KIAA1217: variants seen among roughly 807,000 people sequenced by gnomAD.
KIAA1217 encodes KIAA1217.
Under a neutral mutation model 163.9 loss-of-function variants are expected in KIAA1217, and 88 were observed. The observed-to-expected ratio is 0.54, with a 90% confidence interval of 0.45 to 0.64. KIAA1217 has a LOEUF of 0.64. Ranked by LOEUF, KIAA1217 falls within the 30% of genes least tolerant of loss-of-function variation. KIAA1217 has a pLI of 0.00. For synonymous variants in KIAA1217, 903 were observed against 923.1 expected, an observed-to-expected ratio of 0.98 and a Z score of 0.39; for missense variants, 2,372 against 2,475.0, an observed-to-expected ratio of 0.96 and a Z score of 0.88.
intron 2 of KIAA1217, among the ~76,000 whole-genome samples, chr10:24,200,188 C>A (rs1278716323): frequency 6.6e-6 from 1 of 151,244 alleles, no homozygotes; most frequent in African/African-American, 2.4e-5. Flanking sequence ...CTTTTGGTTG[C>A]TGTCACTTTT....
Position 24,531,928 on chromosome 10 carries a change from G to A in KIAA1217, c.3181G>A (p.Gly1061Arg), listed in dbSNP as rs1564877872. The A allele has an allele frequency of 2.5e-6, 4 of 1,609,948 alleles. No individual in the cohort carries two copies. The East Asian group carries it at 8.9e-5, about 36-fold the overall frequency. ...PPRRSYLPGS[G>R]LTTTRSGDVV... ...TCGTCGAAGCTACCTGCCAGGATCG[G>A]GACTCACCACCACGAGGTCAGGCGA... Residue 1061 changes from glycine to arginine, a missense_variant, in exon 15 of 21, where the codon GGA becomes AGA. Transcript: ENST00000376454.
intron 2 of KIAA1217, among the ~76,000 whole-genome samples, chr10:24,238,605 A>C (rs547735513): frequency 1.9e-4 from 29 of 152,128 alleles, no homozygotes; most frequent in Non-Finnish European, 4.0e-4. Flanking sequence ...AGCCGAGGGG[A>C]AATGCACACA....
intron 5 of KIAA1217, among the ~76,000 whole-genome samples, chr10:24,469,705 G>A (rs907233842): frequency 7.2e-5 from 11 of 151,988 alleles, no homozygotes; most frequent in South Asian, 2.1e-4. Flanking sequence ...TCCACCTCCC[G>A]GGTTCAAGCA....
At chr10:24,423,517 T>A (rs2058929207) in intron 3 of KIAA1217, among the ~76,000 whole-genome samples, 1 of 152,182 alleles carries the variant, frequency 6.6e-6, no homozygotes, top group Non-Finnish European at 1.5e-5. Context: ...TGAAGTGCAG[T>A]GGCACCATCT....
chr10:24,341,653 T>A (rs868377878), intron 2 of KIAA1217, among the ~76,000 whole-genome samples: 12 of 152,230 alleles, frequency 7.9e-5, no homozygotes, highest in African/African-American at 2.7e-4. Context: ...TTTAATGAAC[T>A]GAGGTTGTAA....
chr10:24,256,104 C>CCTCAGTA (rs1422221951), intron 2 of KIAA1217, among the ~76,000 whole-genome samples: 1 of 151,090 alleles, frequency 6.6e-6, no homozygotes, highest in African/African-American at 2.4e-5. Flanking sequence ...TCTGGTTCTG[C>CCTCAGTA]CTCAGTACTT....
chr10:24,367,089 AT>A (rs370887613), intron 2 of KIAA1217: 62 of 936,792 alleles, frequency 6.6e-5, no homozygotes, highest in Non-Finnish European at 7.6e-5. Flanking sequence ...TTTCTTTCCT[AT>A]TTTTTTCTTG....
intron 1 of KIAA1217, among the ~76,000 whole-genome samples, chr10:23,877,122 T>C (rs1169112156): frequency 6.6e-6 from 1 of 151,998 alleles, no homozygotes; most frequent in East Asian, 1.9e-4. Flanking sequence ...TGTCACTAGA[T>C]GCGTTTTCTT....
At chr10:24,441,508 T>G (rs963331854) in intron 5 of KIAA1217, among the ~76,000 whole-genome samples, 1 of 152,152 alleles carries the variant, frequency 6.6e-6, no homozygotes, top group African/African-American at 2.4e-5. Context: ...TCAGGAAGCG[T>G]GCTAGACTAG....
chr10:23,861,728 C>T (rs1478882189), intron 1 of KIAA1217, among the ~76,000 whole-genome samples: 1 of 152,110 alleles, frequency 6.6e-6, no homozygotes, highest in Non-Finnish European at 1.5e-5. Flanking sequence ...TCCCAACTGG[C>T]CATCAGCAAG....
chr10:23,714,077 A>G (rs1003908060), intron 1 of KIAA1217, among the ~76,000 whole-genome samples: 3 of 152,106 alleles, frequency 2.0e-5, no homozygotes, highest in Non-Finnish European at 4.4e-5. Context: ...GATGCCAGCT[A>G]GTCGTCCAAG....
intron 2 of KIAA1217, among the ~76,000 whole-genome samples, chr10:24,365,174 G>A (rs1487118094): frequency 5.3e-5 from 8 of 152,060 alleles, no homozygotes; most frequent in African/African-American, 1.4e-4. Flanking sequence ...CCTTGCCCCC[G>A]TTTCTCCATA....
At chr10:23,807,851 C>G (rs926413935) in intron 1 of KIAA1217, among the ~76,000 whole-genome samples, 5 of 152,182 alleles carry the variant, frequency 3.3e-5, no homozygotes, top group Non-Finnish European at 5.9e-5. Flanking sequence ...AAGATGTAGG[C>G]TCTAACTGCT....
At chr10:24,415,379 T>C (rs2058157522) in intron 3 of KIAA1217, among the ~76,000 whole-genome samples, 1 of 151,964 alleles carries the variant, frequency 6.6e-6, no homozygotes, top group Admixed American at 6.6e-5. Flanking sequence ...TCTCCCAAAG[T>C]GCTGGGATTA....
intron 2 of KIAA1217, among the ~76,000 whole-genome samples, chr10:24,342,046 C>A (rs542461278): frequency 2.8e-4 from 42 of 152,312 alleles, no homozygotes; most frequent in African/African-American, 8.9e-4. Flanking sequence ...TGCCTGAAGG[C>A]ATAGCACTGT....
At chr10:24,359,235 G>T (rs757559873) in intron 2 of KIAA1217, among the ~76,000 whole-genome samples, 5 of 151,702 alleles carry the variant, frequency 3.3e-5, no homozygotes. Context: ...GACTACAGGC[G>T]TGTGCCACAA....
chr10:24,340,557 C>T (rs193174520), intron 2 of KIAA1217, among the ~76,000 whole-genome samples: 43 of 152,256 alleles, frequency 2.8e-4, no homozygotes, highest in African/African-American at 1.0e-3. Context: ...CAAACTAATA[C>T]AGCCGGTTAA....
chr10:23,932,998 T>A (rs1251000332), intron 1 of KIAA1217, among the ~76,000 whole-genome samples: 2 of 152,224 alleles, frequency 1.3e-5, no homozygotes, highest in African/African-American at 4.8e-5. Flanking sequence ...TATGAACGAT[T>A]GGTTGATTAG....
intron 2 of KIAA1217, among the ~76,000 whole-genome samples, chr10:24,340,362 C>G (rs1197081310): frequency 6.6e-6 from 1 of 152,162 alleles, no homozygotes; most frequent in Non-Finnish European, 1.5e-5. Context: ...ATCTGATGGT[C>G]TGATAAAGGG....
Sources: gnomAD v4.1 joint callset for allele counts (sites outside exome capture counted in the v4.1 genomes callset) on GRCh38, gnomAD v4.1.1 for gene constraint, MANE v1.5 for transcripts, NCBI Gene and HGNC (gene_info 2026-07-23, HGNC 2026-07-21) for gene names.